The following EEFSEC variants were observed in gnomAD, a reference collection of about 807,000 sequenced individuals.
EEFSEC encodes eukaryotic elongation factor, selenocysteine-tRNA specific, also known as selenocysteine-specific elongation factor.
Under a neutral mutation model 42.1 loss-of-function variants are expected in EEFSEC, and 43 were observed. The observed-to-expected ratio is 1.02, with a 90% CI of 0.80 to 1.32. The LOEUF (loss-of-function observed/expected upper bound fraction) is 1.32. EEFSEC is among the 40% of genes most tolerant of loss of function. The pLI is 0.00. For missense variants in EEFSEC, 745 were observed against 803.6 expected, an observed-to-expected ratio of 0.93 and a Z score of 0.88; for synonymous variants, 354 against 339.1, an observed-to-expected ratio of 1.04 and a Z score of -0.48.
chr3:128,264,707 G>A lies in EEFSEC; in HGVS notation c.712G>A (p.Gly238Ser), dbSNP rs1322321851. The stretch of plus-strand genomic sequence containing the variant: ...CCACTGTTTCTCCATCAAAGGCCAA[G>A]GCACTGTGATGACAGGGACCATCCT... Reference protein sequence around the residue: ...VDHCFSIKGQGTVMTGTILSG... With the variant: ...VDHCFSIKGQSTVMTGTILSG... Residue 238 changes from glycine to serine, a missense_variant, in exon 4 of 7, where the codon GGC becomes AGC. By Grantham distance (56) the Gly-to-Ser change is moderately conservative (BLOSUM62 0). Transcript: ENST00000254730. The A allele has an allele frequency of 1.2e-6, 2 of 1,614,130 alleles. No homozygotes were observed. Among genetic ancestry groups the A allele is most frequent in the Non-Finnish European group, 1.7e-6 (2 of 1,180,004 alleles).
At chr3:128,196,690 G>C (rs1389231181) in intron 1 of EEFSEC, among the ~76,000 whole-genome samples, 1 of 152,152 alleles carries the variant, frequency 6.6e-6, no homozygotes, top group African/African-American at 2.4e-5. Flanking sequence ...GTTTGGTTGT[G>C]TGGAAAGCAT....
At chr3:128,272,370 G>A (rs2066423409) in intron 4 of EEFSEC, among the ~76,000 whole-genome samples, 1 of 152,188 alleles carries the variant, frequency 6.6e-6, no homozygotes, top group South Asian at 2.1e-4. Flanking sequence ...TCTGCTTTTT[G>A]GAACTCAACA....
At chr3:128,252,696 C>CAT (rs1445584258) in intron 2 of EEFSEC, among the ~76,000 whole-genome samples, 3 of 152,068 alleles carry the variant, frequency 2.0e-5, no homozygotes, top group African/African-American at 4.8e-5. Flanking sequence ...ATTATAAATT[C>CAT]ATATATATAT....
At chr3:128,325,154 G>T (rs1199788041) in intron 4 of EEFSEC, among the ~76,000 whole-genome samples, 1 of 152,188 alleles carries the variant, frequency 6.6e-6, no homozygotes, top group Non-Finnish European at 1.5e-5. Flanking sequence ...ACTGCTCCCC[G>T]TGCCATACAG....
At chr3:128,287,054 G>A (rs767139712) in intron 4 of EEFSEC, among the ~76,000 whole-genome samples, 4 of 152,188 alleles carry the variant, frequency 2.6e-5, no homozygotes, top group Admixed American at 1.3e-4. Flanking sequence ...ACACAAGATT[G>A]TGAAGCCTGT....
At chr3:128,402,237 TC>T (rs2068056556) in intron 6 of EEFSEC, among the ~76,000 whole-genome samples, 1 of 152,238 alleles carries the variant, frequency 6.6e-6, no homozygotes, top group Non-Finnish European at 1.5e-5. Flanking sequence ...TGGACAGTCT[TC>T]CGGTCTCTTT....
chr3:128,175,080 T>C (rs2065334946), intron 1 of EEFSEC, among the ~76,000 whole-genome samples: 1 of 151,894 alleles, frequency 6.6e-6, no homozygotes, highest in Admixed American at 6.6e-5. Flanking sequence ...TTTCTCTCCT[T>C]CTCTTCCTCC....
intron 1 of EEFSEC, among the ~76,000 whole-genome samples, chr3:128,173,016 G>C (rs906669388): frequency 1.3e-5 from 2 of 152,164 alleles, no homozygotes; most frequent in Non-Finnish European, 1.5e-5. Context: ...ACATCCCTGT[G>C]GTCTTTTAAT....
At chr3:128,165,928 G>C (rs2107768445) in intron 1 of EEFSEC, among the ~76,000 whole-genome samples, 1 of 152,286 alleles carries the variant, frequency 6.6e-6, no homozygotes. Context: ...TGACGGTGTG[G>C]CACTTGAGGA....
rs963929051 is a variant in EEFSEC, at chr3:128,214,043, A to G, written c.317-32793A>G. 4.6e-5 allele frequency among the ~76,000 whole-genome samples: 7 copies of G among 152,340 alleles called. No homozygotes were observed. In the East Asian group the frequency reaches 1.4e-3, roughly 29 times the overall value. ...GGACAATTGGGAGAAATTTGAATAT[A>G]GGCAATAGATTAAGTAATATTATGG... On this transcript the variant is annotated intron_variant, in intron 1 of 6. Coordinates refer to ENST00000254730, the MANE Select transcript of EEFSEC (RefSeq NM_021937.5).
At chr3:128,325,817 C>T (rs2067057717) in intron 4 of EEFSEC, among the ~76,000 whole-genome samples, 1 of 152,132 alleles carries the variant, frequency 6.6e-6, no homozygotes, top group Non-Finnish European at 1.5e-5. Flanking sequence ...GATAAAAGTG[C>T]TTCATATATT....
chr3:128,190,904 T>G (rs1283189253), intron 1 of EEFSEC, among the ~76,000 whole-genome samples: 1 of 152,234 alleles, frequency 6.6e-6, no homozygotes, highest in Non-Finnish European at 1.5e-5. Context: ...CTGCTTCAGC[T>G]CACTGTGCCT....
intron 2 of EEFSEC, among the ~76,000 whole-genome samples, chr3:128,250,769 G>A (rs768906384): frequency 2.0e-5 from 3 of 152,056 alleles, no homozygotes; most frequent in African/African-American, 2.4e-5. Context: ...CCATTTCTGT[G>A]GAAAGGTTGT....
intron 4 of EEFSEC, among the ~76,000 whole-genome samples, chr3:128,336,628 G>A (rs2067192772): frequency 1.3e-5 from 2 of 152,154 alleles, no homozygotes; most frequent in Admixed American, 1.3e-4. Context: ...CCCTCTGCCT[G>A]GAATCCCTGT....
At chr3:128,358,435 G>A (rs2067485371) in intron 6 of EEFSEC, 62 bp downstream of exon 6, 9 of 1,583,254 alleles carry the variant, frequency 5.7e-6, no homozygotes, top group East Asian at 2.3e-5. Context: ...AGATGGCAGA[G>A]GTGATGCCAA....
rs111383708 is a variant in EEFSEC at position 128,317,756 on chromosome 3, C to A, written c.787-23477C>A. Among the ~76,000 whole-genome samples, 31 of 152,378 alleles carry A rather than the reference C, an allele frequency of 2.0e-4. No individual in the cohort carries two copies. The highest frequency in any genetic ancestry group is 6.5e-4 in the African/African-American group (27 of 41,592). Reference sequence around the variant, plus strand: ...TACCATTCTCTCGCCGGCTGCTGACCAGTTGGGCCCTCTGCAGGCCTCAGG... The same window carrying A: ...TACCATTCTCTCGCCGGCTGCTGACAAGTTGGGCCCTCTGCAGGCCTCAGG... On this transcript the variant is annotated intron_variant, in intron 4 of 6. Transcript: ENST00000254730. The surrounding 1 kb of genome is among the most constrained non-coding windows in gnomAD (Gnocchi z 4.1).
At chr3:128,290,681 A>G (rs1462866265) in intron 4 of EEFSEC, among the ~76,000 whole-genome samples, 2 of 152,014 alleles carry the variant, frequency 1.3e-5, no homozygotes, top group African/African-American at 4.8e-5. Context: ...AACATGGTAT[A>G]TCTTCCTATT....
intron 1 of EEFSEC, among the ~76,000 whole-genome samples, chr3:128,169,888 G>A (rs2065277743): frequency 6.6e-6 from 1 of 152,188 alleles, no homozygotes; most frequent in Admixed American, 6.5e-5. Context: ...CAGAGCACAG[G>A]CCCTTCATGC....
rs189620279 is a variant in EEFSEC, at chr3:128,203,866, T to C, written c.317-42970T>C. 5.8e-3 allele frequency among the ~76,000 whole-genome samples: 888 copies of C among 152,344 alleles called. 6 individuals carry two copies. The highest frequency in any genetic ancestry group is 8.1e-3 in the Non-Finnish European group (553 of 68,020). On this transcript the variant is annotated intron_variant, in intron 1 of 6. Transcript: ENST00000254730. ...TTGGCATTCCATTAGATAGGAAACC[T>C]GGTTTTGGAATAAATCAATAATCCC...
Sources: gnomAD v4.1 joint callset for allele counts (sites outside exome capture counted in the v4.1 genomes callset) on GRCh38, gnomAD v4.1.1 for gene constraint, Gnocchi (gnomAD v3.1) non-coding constraint, MANE v1.5 for transcripts, NCBI Gene and HGNC (gene_info 2026-07-23, HGNC 2026-07-21) for gene names.